The following ACAD9 variants were observed in gnomAD, a reference collection of about 807,000 sequenced individuals.
ACAD9 encodes acyl-CoA dehydrogenase family member 9, also known as complex I assembly factor ACAD9, mitochondrial.
A neutral mutation model predicts 70.2 loss-of-function variants in ACAD9; 53 were observed. The observed-to-expected ratio is 0.75, with a 90% CI of 0.61 to 0.95. The LOEUF is 0.95. Among genes scored for constraint, ACAD9 ranks in the 40% least tolerant of loss-of-function variants. ACAD9 has a pLI of 0.00. For synonymous variants in ACAD9, 313 were observed against 312.1 expected (o/e 1.00, Z -0.03); for missense variants, 777 against 802.8 (o/e 0.97, Z 0.39).
chr3:128,886,688 A>G (rs1935259720), intron 2 of ACAD9, among the ~76,000 whole-genome samples: 2 of 151,612 alleles, frequency 1.3e-5, no homozygotes, highest in African/African-American at 4.8e-5. Context: ...AGCATGGGCA[A>G]TAAGAGTGAA....
At chr3:128,908,141 C>T in intron 12 of ACAD9, 44 bp from the exon 13 acceptor site, 1 of 1,598,190 alleles carries the variant, frequency 6.3e-7, no homozygotes. Context: ...ACCATGGCTG[C>T]CTGGCCGGGG....
Position 128,897,727 on chromosome 3 carries a change from A to G in ACAD9, c.633+17A>G, listed in dbSNP as rs113029069. On this transcript the variant is annotated intron_variant, in intron 6 of 17. Coordinates refer to ENST00000308982, the MANE Select transcript of ACAD9 (RefSeq NM_014049.5). ...GGCTCCAAGGTAGGGTTCCTTCCCC[A>G]TGGCCACATTAGGGTCTCAGTCACA... The G allele has an allele frequency of 3.7e-6, 6 of 1,610,610 alleles. No homozygotes were observed. Among genetic ancestry groups the G allele is most frequent in the South Asian group, 2.2e-5 (2 of 90,364 alleles).
chr3:128,894,768 C>A (rs1449323108), intron 3 of ACAD9, among the ~76,000 whole-genome samples: 3 of 152,058 alleles, frequency 2.0e-5, no homozygotes, highest in African/African-American at 7.2e-5. Context: ...TTCTTGGAAC[C>A]AAGCAATCCT....
At position 128,908,258 on chromosome 3, in the gene ACAD9, G is replaced by A. The variant is rs1362246502; in HGVS notation, c.1352G>A (p.Arg451Lys). 1.2e-6 allele frequency: 2 copies of A among 1,614,044 alleles called. No homozygotes were observed. The highest frequency in any genetic ancestry group is 2.7e-5 in the African/African-American group (2 of 74,954). Residue 451 changes from arginine (R) to lysine (K), a missense_variant, in exon 13 of 18, where the codon AGG becomes AAG. Transcript: ENST00000308982. ...CATGCCGGCCGCATCCTGACTACCA[G>A]GATCCAGTAGGTGCCATTGTCACCG... ...LQHAGRILTT[R>K]IHELKQAKVS...
Position 128,909,634 on chromosome 3 carries a change from C to G in ACAD9, c.1563+213C>G, listed in dbSNP as rs1291766969. ...GTACCCTTGCTGGGTGAGTTTTCTG[C>G]AGTGTTTTTCTGTGCACCTTTCAGG... On this transcript the variant is annotated intron_variant, in intron 15 of 17. Transcript: ENST00000308982. 4.8e-6 allele frequency: 3 copies of G among 628,706 alleles called. No homozygotes were observed. In the Admixed American group the frequency reaches 8.5e-5, roughly 18 times the overall value. 38.9% of individuals were successfully genotyped at this position (628,706 alleles called of 1,614,324 possible).
intron 12 of ACAD9, among the ~76,000 whole-genome samples, chr3:128,907,571 T>TCAG (rs535705084): frequency 4.1e-4 from 63 of 152,292 alleles, no homozygotes; most frequent in African/African-American, 1.4e-3. Flanking sequence ...GTCCGTGATG[T>TCAG]CAGCCTGACT....
intron 2 of ACAD9, among the ~76,000 whole-genome samples, chr3:128,885,534 G>A (rs1029179630): frequency 5.9e-5 from 9 of 152,182 alleles, no homozygotes; most frequent in African/African-American, 2.2e-4. Context: ...TGGAACTACA[G>A]GTGCGCACCC....
chr3:128,909,547 G>C (rs1936049657), intron 15 of ACAD9, 126 bp downstream of exon 15: 1 of 1,050,172 alleles, frequency 9.5e-7, no homozygotes, highest in East Asian at 2.5e-5. Flanking sequence ...CACCCTGGAG[G>C]GATGGGGTGG....
intron 13 of ACAD9, 85 bp from the exon 14 acceptor site, chr3:128,908,888 C>G: frequency 6.2e-7 from 1 of 1,607,704 alleles, no homozygotes; most frequent in South Asian, 1.1e-5. Flanking sequence ...GGGCACGGAG[C>G]TTCTGGGTGC....
chr3:128,886,477 G>A (rs1191093314), intron 2 of ACAD9, among the ~76,000 whole-genome samples: 1 of 151,946 alleles, frequency 6.6e-6, no homozygotes, highest in Non-Finnish European at 1.5e-5. Flanking sequence ...CGGAGACTGA[G>A]GTGGGTGGAT....
intron 2 of ACAD9, among the ~76,000 whole-genome samples, chr3:128,893,084 A>T (rs1935467820): frequency 1.3e-5 from 2 of 151,746 alleles, no homozygotes; most frequent in South Asian, 4.2e-4. Context: ...GGTGGCTCAC[A>T]CCTATGATCC....
chr3:128,895,375 A>G lies in ACAD9; in HGVS notation c.412A>G (p.Ile138Val), dbSNP rs764894010. Residue 138 changes from isoleucine to valine, a missense_variant, in exon 4 of 18, where the codon ATC (isoleucine) becomes GTC (valine). Physicochemically the swap from Ile to Val is conservative, Grantham distance 29. Transcript: ENST00000308982. ...GGAGATCATCAGCATGGATGGGTCCATCACTGTGACCCTGGCAGCGCACCA... is the reference window on the plus strand; with the variant it reads ...GGAGATCATCAGCATGGATGGGTCCGTCACTGTGACCCTGGCAGCGCACCA... ...LGEIISMDGSITVTLAAHQAI... is the reference protein window; with the variant it reads ...LGEIISMDGSVTVTLAAHQAI... 1.9e-6 allele frequency: 3 copies of G among 1,612,678 alleles called. No homozygotes were observed. In the East Asian group the frequency reaches 6.7e-5, roughly 36 times the overall value.
intron 1 of ACAD9, among the ~76,000 whole-genome samples, chr3:128,882,330 CTGT>C (rs1011208001): frequency 1.3e-5 from 2 of 152,214 alleles, no homozygotes; most frequent in African/African-American, 4.8e-5. Flanking sequence ...AATGGTGGCT[CTGT>C]TGTTCCACCT....
In ACAD9 at chr3:128,899,584, ACT is replaced by A. The variant is rs377615582; in HGVS notation, c.808+126_808+127del. On this transcript the variant is annotated intron_variant, in intron 7 of 17. Coordinates refer to ENST00000308982, the MANE Select transcript of ACAD9 (RefSeq NM_014049.5). ...TGTGTAAGGGGGAGACTGGCCCTTG[ACT>A]CTGTCCAAATAGCAAGATAAAATGA... 4.6e-4 allele frequency: 514 copies of A among 1,112,842 alleles called. 2 individuals are homozygous for A. In the African/African-American group the frequency reaches 7.4e-3, roughly 16 times the overall value. 68.9% of individuals were successfully genotyped at this position (1,112,842 alleles called of 1,614,324 possible). A position where few individuals can be genotyped will look rare whatever the true frequency, so the allele number is the denominator to read the frequency against.
Position 128,879,642 on chromosome 3 carries a change from C to T in ACAD9, c.-50C>T. On this transcript the variant is annotated 5_prime_UTR_variant, in exon 1 of 18. Transcript: ENST00000308982. ...GTCATCAGACGTGTGTGTGTCCCTG[C>T]GGCGCTAAGAAGGGGAGACTGAGGC... The T allele has an allele frequency of 1.3e-6, 2 of 1,598,222 alleles. No homozygotes were observed. The highest frequency in any genetic ancestry group is 2.2e-5 in the East Asian group (1 of 44,696).
At chr3:128,886,251 C>T (rs1354989839) in intron 2 of ACAD9, among the ~76,000 whole-genome samples, 1 of 150,872 alleles carries the variant, frequency 6.6e-6, no homozygotes, top group Non-Finnish European at 1.5e-5. Context: ...TGCAGGCATG[C>T]ACCACCACGC....
rs376837625 is a variant in ACAD9, at chr3:128,887,979, A to G, written c.244+3233A>G. Among the ~76,000 whole-genome samples the G allele has an allele frequency of 3.9e-4, 60 of 152,260 alleles. 2 individuals carry two copies. In the East Asian group the frequency reaches 6.6e-3, roughly 17 times the overall value. On this transcript the variant is annotated intron_variant, in intron 2 of 17. Transcript: ENST00000308982. Reference sequence around the variant, plus strand: ...CACAGAAAAATCACATCCTCCCACAACTGGCCTCTATGAAAACCAACCAGG... The same window carrying G: ...CACAGAAAAATCACATCCTCCCACAGCTGGCCTCTATGAAAACCAACCAGG...
chr3:128,893,272 C>A (rs1215962877), intron 2 of ACAD9, among the ~76,000 whole-genome samples: 1 of 151,990 alleles, frequency 6.6e-6, no homozygotes, highest in African/African-American at 2.4e-5. Context: ...CTCACTTGAG[C>A]CTGGGAGATT....
In ACAD9 at chr3:128,885,217, G is replaced by C. The variant is rs115609085; in HGVS notation, c.244+471G>C. On this transcript the variant is annotated intron_variant, in intron 2 of 17. Transcript: ENST00000308982. ...GCACCTGCATGGTGAGGCAGCATTTGACCTCAGGTCCCTCTCTCAGAGCTG... is the reference window on the plus strand; with the variant it reads ...GCACCTGCATGGTGAGGCAGCATTTCACCTCAGGTCCCTCTCTCAGAGCTG... Among the ~76,000 whole-genome samples the C allele has an allele frequency of 3.8e-3, 586 of 152,326 alleles. 1 individual carries two copies. The highest frequency in any genetic ancestry group is 0.013 in the African/African-American group (555 of 41,578).
Sources: allele counts gnomAD v4.1 joint callset (sites outside exome capture counted in the v4.1 genomes callset), GRCh38; gene constraint gnomAD v4.1.1; transcripts MANE v1.5; gene names NCBI Gene and HGNC (gene_info 2026-07-23, HGNC 2026-07-21).